MSRA: variants seen among roughly 807,000 people sequenced by gnomAD.
The protein encoded by MSRA is methionine sulfoxide reductase A.
A neutral mutation model predicts 31.3 loss-of-function variants in MSRA; 54 were observed. That is an observed-to-expected ratio of 1.73 (90% CI 1.39 to 2.17). MSRA has a LOEUF of 2.17. MSRA is among the 30% of genes most tolerant of loss of function. MSRA has a pLI of 0.00. For missense variants in MSRA, 507 were observed against 300.9 expected (o/e 1.69, Z -5.07); for synonymous variants, 169 against 116.5 (o/e 1.45, Z -2.90).
At chr8:10,428,072 G>A (rs557182437) in intron 5 of MSRA, 76 bp from the exon 6 acceptor site, 2 of 1,507,836 alleles carry the variant, frequency 1.3e-6, no homozygotes, top group African/African-American at 2.8e-5. Context: ...CTGCAGCCCT[G>A]GCCCCTCAGT....
chr8:10,240,827 C>G (rs1023362704), intron 2 of MSRA, among the ~76,000 whole-genome samples: 1 of 151,972 alleles, frequency 6.6e-6, no homozygotes, highest in African/African-American at 2.4e-5. Flanking sequence ...CATTCAACAC[C>G]CCACCCCCCG....
intron 2 of MSRA, among the ~76,000 whole-genome samples, chr8:10,224,444 CAA>C (rs1472007272): frequency 6.6e-6 from 1 of 151,888 alleles, no homozygotes; most frequent in East Asian, 1.9e-4. Context: ...TCCTTTTTCA[CAA>C]AAGAGCTTGA....
intron 5 of MSRA, among the ~76,000 whole-genome samples, chr8:10,368,868 C>G (rs1805316502): frequency 6.6e-6 from 1 of 152,140 alleles, no homozygotes. Context: ...TCCAAAGGGC[C>G]TTTTGCTAAT....
At chr8:10,056,464 C>G (rs907260203) in intron 1 of MSRA, among the ~76,000 whole-genome samples, 3 of 151,760 alleles carry the variant, frequency 2.0e-5, no homozygotes, top group African/African-American at 7.3e-5. Context: ...GCTCTGCTGT[C>G]TCCATATAGC....
At chr8:10,158,645 G>C (rs1043383668) in intron 1 of MSRA, among the ~76,000 whole-genome samples, 1 of 152,080 alleles carries the variant, frequency 6.6e-6, no homozygotes, top group Admixed American at 6.5e-5. Context: ...ACAGACATTT[G>C]GGTTGTTTCT....
At position 10,290,475 on chromosome 8, in the gene MSRA, T is replaced by A. The variant is rs1185920384; in HGVS notation, c.332-11059T>A. ...AATGTTCTGTCCATTTCCTCCTTTG[T>A]GGTTTAGCCACATACATCAGATGCC... is the stretch of plus-strand genomic sequence containing the variant. On this transcript the variant is annotated intron_variant, in intron 3 of 5. Coordinates refer to ENST00000317173, the MANE Select transcript of MSRA (RefSeq NM_012331.5). Among the ~76,000 whole-genome samples, 3 of 152,130 alleles carry A rather than the reference T, an allele frequency of 2.0e-5. 1 individual carries two copies. The highest frequency in any genetic ancestry group is 4.8e-5 in the African/African-American group (2 of 41,434).
chr8:10,076,142 A>G (rs1367017292), intron 1 of MSRA, among the ~76,000 whole-genome samples: 1 of 152,234 alleles, frequency 6.6e-6, no homozygotes, highest in African/African-American at 2.4e-5. Context: ...TTTGTAAAAC[A>G]GACAGTCGCT....
intron 3 of MSRA, among the ~76,000 whole-genome samples, chr8:10,246,698 A>G (rs529099750): frequency 1.5e-4 from 23 of 152,372 alleles, no homozygotes; most frequent in African/African-American, 5.5e-4. Context: ...ATTGAGCTGT[A>G]CAACAATGAA....
intron 5 of MSRA, among the ~76,000 whole-genome samples, chr8:10,420,812 T>C (rs1765135234): frequency 6.6e-6 from 1 of 152,018 alleles, no homozygotes; most frequent in African/African-American, 2.4e-5. Flanking sequence ...TGTACAACAA[T>C]GTGAATGTAC....
chr8:10,315,986 A>G (rs1189109403), intron 4 of MSRA, among the ~76,000 whole-genome samples: 2 of 152,258 alleles, frequency 1.3e-5, no homozygotes, highest in African/African-American at 4.8e-5. Context: ...ATTTATGACT[A>G]TAGAAGTAAT....
chr8:10,086,963 A>G (rs1432028337), intron 1 of MSRA, among the ~76,000 whole-genome samples: 1 of 152,054 alleles, frequency 6.6e-6, no homozygotes, highest in East Asian at 1.9e-4. Flanking sequence ...GGTTGGCCTT[A>G]GGAAGGAGGG....
intron 4 of MSRA, among the ~76,000 whole-genome samples, chr8:10,315,160 G>A (rs1446455918): frequency 2.0e-5 from 3 of 152,148 alleles, no homozygotes; most frequent in African/African-American, 4.8e-5. Context: ...CCTGCCCCCC[G>A]TGATTCAGTT....
intron 1 of MSRA, among the ~76,000 whole-genome samples, chr8:10,122,871 C>A (rs930746372): frequency 6.6e-6 from 1 of 152,172 alleles, no homozygotes; most frequent in Admixed American, 6.5e-5. Flanking sequence ...TGATGTCGTT[C>A]TTTTTTATGG....
chr8:10,345,742 T>C (rs559805416), intron 5 of MSRA, among the ~76,000 whole-genome samples: 1 of 152,334 alleles, frequency 6.6e-6, no homozygotes, highest in Admixed American at 6.5e-5. Context: ...TTCTGGTGTT[T>C]TAAGCTCACT....
chr8:10,060,312 G>A (rs1802637496), intron 1 of MSRA, among the ~76,000 whole-genome samples: 2 of 152,196 alleles, frequency 1.3e-5, no homozygotes, highest in African/African-American at 4.8e-5. Flanking sequence ...GAATGGGTAT[G>A]GAGGGATTGC....
At chr8:10,161,690 C>G (rs1475641418) in intron 1 of MSRA, among the ~76,000 whole-genome samples, 1 of 151,942 alleles carries the variant, frequency 6.6e-6, no homozygotes, top group African/African-American at 2.4e-5. Flanking sequence ...GACCCGGGTT[C>G]TGCATCTGGG....
At chr8:10,062,325 G>A (rs1443369093) in intron 1 of MSRA, among the ~76,000 whole-genome samples, 1 of 152,204 alleles carries the variant, frequency 6.6e-6, no homozygotes, top group African/African-American at 2.4e-5. Flanking sequence ...TACAAGAGAT[G>A]CTTTCAGGAT....
chr8:10,359,814 G>A (rs552286932), intron 5 of MSRA, among the ~76,000 whole-genome samples: 8 of 152,284 alleles, frequency 5.3e-5, no homozygotes, highest in South Asian at 2.1e-4. Context: ...GCCTTTTCTC[G>A]TGAACAGTGG....
At chr8:10,355,715 G>C (rs1226226069) in intron 5 of MSRA, among the ~76,000 whole-genome samples, 1 of 152,168 alleles carries the variant, frequency 6.6e-6, no homozygotes, top group African/African-American at 2.4e-5. Flanking sequence ...CCCTTGGAAA[G>C]CAGAGGATTG....
Sources: gnomAD v4.1 joint callset for allele counts (sites outside exome capture counted in the v4.1 genomes callset) on GRCh38, gnomAD v4.1.1 for gene constraint, MANE v1.5 for transcripts, NCBI Gene and HGNC (gene_info 2026-07-23, HGNC 2026-07-21) for gene names.